The following DDX50 variants were observed in gnomAD, a reference collection of about 807,000 sequenced individuals.
The protein encoded by DDX50 is ATP-dependent RNA helicase DDX50.
In DDX50, 56 loss-of-function variants were observed where a neutral mutation model predicts 94.8. The ratio of observed to expected loss-of-function variants is 0.59; its 90% CI spans 0.48 to 0.74. DDX50 has a LOEUF of 0.74. DDX50 is among the 30% of genes least tolerant of loss of function. DDX50 has a pLI of 0.00. For synonymous variants in DDX50, 264 were observed against 295.4 expected (o/e 0.89, Z 1.09); for missense variants, 713 against 881.2 (o/e 0.81, Z 2.42).
chr10:68,943,470 A>G (rs761817035), intron 14 of DDX50, among the ~76,000 whole-genome samples: 3 of 152,108 alleles, frequency 2.0e-5, no homozygotes, highest in Non-Finnish European at 4.4e-5. Flanking sequence ...ATCATAGCTC[A>G]TTTGCAACCT....
Position 68,943,232 on chromosome 10 carries a change from C to T in DDX50, c.1910C>T (p.Pro637Leu). The T allele has an allele frequency of 1.2e-6, 2 of 1,607,794 alleles. No individual in the cohort carries two copies. Among genetic ancestry groups the T allele is most frequent in the Non-Finnish European group, 1.7e-6 (2 of 1,178,100 alleles). Reference sequence around the variant, plus strand: ...TTTTAGGGTGTTTGCTTTGATGTTCCTACAACTGAGTCAGAAAGGTTACAG... The same window carrying T: ...TTTTAGGGTGTTTGCTTTGATGTTCTTACAACTGAGTCAGAAAGGTTACAG... Reference protein sequence around the residue: ...KGNMGVCFDVPTTESERLQAE... With the variant: ...KGNMGVCFDVLTTESERLQAE... Residue 637 changes from proline to leucine, a missense_variant, in exon 14 of 15, where the codon CCT becomes CTT. By Grantham distance (98) the Pro-to-Leu change is moderately conservative (BLOSUM62 -3). Coordinates refer to ENST00000373585, the MANE Select transcript of DDX50 (RefSeq NM_024045.2).
At chr10:68,929,009 C>T (rs1209685296) in intron 8 of DDX50, among the ~76,000 whole-genome samples, 3 of 151,534 alleles carry the variant, frequency 2.0e-5, no homozygotes, top group Admixed American at 6.6e-5. Flanking sequence ...AGTGCAGTGG[C>T]GCGATCTCGG....
In DDX50 at chr10:68,934,653, C is replaced by A; in HGVS notation, c.1402-146C>A. Reference sequence around the variant, plus strand: ...GTTTTAAATCATATTGCCTTTACCCCAAAATCCACACATATAAATTGTTTG... The same window carrying A: ...GTTTTAAATCATATTGCCTTTACCCAAAAATCCACACATATAAATTGTTTG... On this transcript the variant is annotated intron_variant, in intron 9 of 14. Transcript: ENST00000373585. The surrounding 1 kb of genome is among the most constrained non-coding windows in gnomAD (Gnocchi z 4.0). The A allele has an allele frequency of 9.0e-7, 1 of 1,114,404 alleles. No individual in the cohort carries two copies. The highest frequency in any genetic ancestry group is 1.2e-6 in the Non-Finnish European group (1 of 807,270). The allele number at this position is 1,114,404 out of a possible 1,614,324, so 69.0% of individuals were successfully genotyped here.
At chr10:68,940,968 G>T (rs143174070) in intron 12 of DDX50, 92 bp from the exon 13 acceptor site, 680 of 1,480,494 alleles carry the variant, frequency 4.6e-4, no homozygotes, top group Non-Finnish European at 5.8e-4. Context: ...CATAAGAAAT[G>T]CACAGTTAAG....
chr10:68,941,375 C>T (rs1050070502), intron 13 of DDX50, among the ~76,000 whole-genome samples, 181 bp downstream of exon 13: 1 of 152,198 alleles, frequency 6.6e-6, no homozygotes, highest in African/African-American at 2.4e-5. Context: ...TCCTCCAGAG[C>T]TGTAAGTCAT....
intron 12 of DDX50, among the ~76,000 whole-genome samples, chr10:68,940,829 A>G (rs745555617): frequency 1.3e-5 from 2 of 152,222 alleles, no homozygotes; most frequent in Non-Finnish European, 2.9e-5. Context: ...CTCTTAAAGC[A>G]TAATGGTTAG....
chr10:68,910,140 TG>T (rs1406346426), intron 2 of DDX50, among the ~76,000 whole-genome samples, 166 bp from the exon 3 acceptor site: 2 of 151,492 alleles, frequency 1.3e-5, no homozygotes, highest in African/African-American at 4.9e-5. Context: ...TGAGCTGTGA[TG>T]GTGCCACTGC....
intron 8 of DDX50, among the ~76,000 whole-genome samples, chr10:68,925,027 G>C (rs924692106): frequency 3.3e-5 from 5 of 150,050 alleles, no homozygotes; most frequent in Non-Finnish European, 5.9e-5. Context: ...CTGGGTCCCT[G>C]AATCACCTGT....
In DDX50 at chr10:68,913,515, G is replaced by C. The variant is rs774367677; in HGVS notation, c.882G>C (p.Gln294His). 1 of 1,614,038 alleles carries C rather than the reference G, an allele frequency of 6.2e-7. No homozygotes were observed. The highest frequency in any genetic ancestry group is 8.5e-7 in the Non-Finnish European group (1 of 1,179,988). Residue 294 changes from glutamine to histidine, a missense_variant, in exon 6 of 15, where the codon CAG (glutamine) becomes CAC (histidine). Gln to His is a conservative substitution (Grantham distance 24). This residue lies in a region of DDX50 where 428 missense variants were observed against 602.3 expected (regional missense o/e 0.71). Coordinates refer to ENST00000373585, the MANE Select transcript of DDX50 (RefSeq NM_024045.2). ...LRHVVLDEVD[Q>H]MLDLGFAEQV... ...ATGTTGTGCTTGATGAAGTGGATCA[G>C]ATGTTAGATTTAGGTTTCGCTGAAC...
At chr10:68,904,165 G>C (rs980954852) in intron 1 of DDX50, among the ~76,000 whole-genome samples, 144 of 150,996 alleles carry the variant, frequency 9.5e-4, no homozygotes, top group Middle Eastern at 3.5e-3. Flanking sequence ...AAAAAAATTA[G>C]CCAGCCGTTG....
chr10:68,941,621 C>A (rs1003049896), intron 13 of DDX50, among the ~76,000 whole-genome samples: 4 of 151,870 alleles, frequency 2.6e-5, no homozygotes, highest in African/African-American at 9.7e-5. Flanking sequence ...CTGCACCTGG[C>A]CTTTTTGTAT....
rs969737295 is a variant in DDX50, at chr10:68,928,425, C to G, written c.1240-5774C>G. ...ATGGCTTACATCTGTAATCCCAGCA[C>G]TTTGGGAGGCCAAGGCAGGAGGATC... On this transcript the variant is annotated intron_variant, in intron 8 of 14. Coordinates refer to ENST00000373585, the MANE Select transcript of DDX50 (RefSeq NM_024045.2). Among the ~76,000 whole-genome samples the G allele has an allele frequency of 3.9e-5, 6 of 152,136 alleles. No individual in the cohort carries two copies. The East Asian group carries it at 7.7e-4, about 19-fold the overall frequency.
chr10:68,941,708 C>T (rs1282895841), intron 13 of DDX50, among the ~76,000 whole-genome samples: 6 of 152,036 alleles, frequency 3.9e-5, no homozygotes, highest in African/African-American at 1.2e-4. Context: ...GGCACAATCT[C>T]GGCTCACTGC....
chr10:68,930,329 T>G (rs10998491), intron 8 of DDX50, among the ~76,000 whole-genome samples: 21,122 of 151,238 alleles, frequency 0.14, 2,868 homozygotes, highest in African/African-American at 0.36. Flanking sequence ...CATTGGCCAG[T>G]CTGGTCTCAA....
chr10:68,931,545 A>G (rs1842275238), intron 8 of DDX50, among the ~76,000 whole-genome samples: 1 of 149,654 alleles, frequency 6.7e-6, no homozygotes, highest in African/African-American at 2.5e-5. Flanking sequence ...GTTTCCAGTG[A>G]TTCTCCTGCC....
intron 14 of DDX50, among the ~76,000 whole-genome samples, chr10:68,945,870 G>T (rs759108609): frequency 6.6e-6 from 1 of 152,088 alleles, no homozygotes; most frequent in African/African-American, 2.4e-5. Flanking sequence ...TGTCTGCTTT[G>T]TGCTGAGATA....
chr10:68,931,392 A>AATAT lies in DDX50; in HGVS notation c.1240-2792_1240-2789dup, dbSNP rs1554836674. On this transcript the variant is annotated intron_variant, in intron 8 of 14. Coordinates refer to ENST00000373585, the MANE Select transcript of DDX50 (RefSeq NM_024045.2). The stretch of plus-strand genomic sequence containing the variant: ...TGGGTGACGGATCATTAAAAAAAAA[A>AATAT]ATATATATATATATATATGTATATA... 3.8e-3 allele frequency among the ~76,000 whole-genome samples: 323 copies of AATAT among 85,684 alleles called. 1 individual carries two copies. The highest frequency in any genetic ancestry group is 4.6e-3 in the South Asian group (11 of 2,396). 56.2% of individuals were successfully genotyped at this position (85,684 alleles called of 152,430 possible).
intron 8 of DDX50, among the ~76,000 whole-genome samples, chr10:68,921,822 A>T (rs182886096): frequency 6.6e-6 from 1 of 152,178 alleles, no homozygotes; most frequent in Non-Finnish European, 1.5e-5. Context: ...TGTTTTTGGA[A>T]TAAAGCATCG....
intron 1 of DDX50, among the ~76,000 whole-genome samples, chr10:68,904,917 A>T (rs1841397310): frequency 6.6e-6 from 1 of 152,258 alleles, no homozygotes; most frequent in South Asian, 2.1e-4. Context: ...GGATGAGAAA[A>T]TTATATGTGA....
Sources: gnomAD v4.1 joint callset for allele counts (sites outside exome capture counted in the v4.1 genomes callset) on GRCh38, gnomAD v4.1.1 for gene constraint, gnomAD v4.1.1 regional missense constraint, Gnocchi (gnomAD v3.1) non-coding constraint, MANE v1.5 for transcripts, NCBI Gene and HGNC (gene_info 2026-07-23, HGNC 2026-07-21) for gene names.